Variants in DLG2 observed in about 807,000 individuals in gnomAD.
DLG2 encodes discs large MAGUK scaffold protein 2.
Under a neutral mutation model 132.5 loss-of-function variants are expected in DLG2, and 45 were observed. That is an observed-to-expected ratio of 0.34 (90% CI 0.27 to 0.44). The LOEUF (loss-of-function observed/expected upper bound fraction) is 0.44. DLG2 is among the 20% of genes least tolerant of loss of function. The pLI is 1.00. For missense variants in DLG2, 1,045 were observed against 1,196.9 expected (o/e 0.87, Z 1.87); for synonymous variants, 424 against 419.6 (o/e 1.01, Z -0.13).
intron 6 of DLG2, among the ~76,000 whole-genome samples, chr11:85,075,613 C>T (rs2066430312): frequency 1.3e-5 from 2 of 151,852 alleles, no homozygotes; most frequent in Admixed American, 6.6e-5. Context: ...CTCACATACA[C>T]ATATACTCAC....
intron 12 of DLG2, among the ~76,000 whole-genome samples, chr11:83,977,427 G>A (rs1037968635): frequency 1.3e-5 from 2 of 151,982 alleles, no homozygotes; most frequent in African/African-American, 4.8e-5. Flanking sequence ...CAAGCCTTCG[G>A]AAAGTACACT....
At chr11:84,985,818 C>T (rs1239465690) in intron 6 of DLG2, among the ~76,000 whole-genome samples, 3 of 151,630 alleles carry the variant, frequency 2.0e-5, no homozygotes, top group Non-Finnish European at 4.4e-5. Context: ...CATGATGAAA[C>T]CCGATCTCTA....
chr11:84,307,836 G>A (rs2098241307), intron 7 of DLG2, among the ~76,000 whole-genome samples: 1 of 151,600 alleles, frequency 6.6e-6, no homozygotes, highest in South Asian at 2.1e-4. Flanking sequence ...TCGTGGTCTC[G>A]CTGACTCAGG....
Position 85,285,473 on chromosome 11 carries a change from A to T in DLG2, c.41-108T>A, listed in dbSNP as rs191320179. On this transcript the variant is annotated intron_variant, in intron 3 of 27. Transcript: ENST00000376104. Reference sequence around the variant, plus strand: ...ATACAGAAATTTTGCTGATTAAAAGAACTGCATAAATATATATCCCAAAGT... The same window carrying T: ...ATACAGAAATTTTGCTGATTAAAAGTACTGCATAAATATATATCCCAAAGT... The T allele has an allele frequency of 4.1e-4, 401 of 982,802 alleles. No homozygotes were observed. The African/African-American group carries it at 5.7e-3, about 14-fold the overall frequency. 60.9% of individuals were successfully genotyped at this position (982,802 alleles called of 1,614,324 possible). A position where few individuals can be genotyped will look rare whatever the true frequency, so the allele number is the denominator to read the frequency against.
chr11:83,691,091 C>G (rs1329355400), intron 18 of DLG2, among the ~76,000 whole-genome samples: 2 of 152,120 alleles, frequency 1.3e-5, no homozygotes, highest in Non-Finnish European at 2.9e-5. Flanking sequence ...TTGCATGGCT[C>G]TAAGTCATGG....
At chr11:85,473,482 T>A (rs1048288784) in intron 3 of DLG2, among the ~76,000 whole-genome samples, 9 of 152,284 alleles carry the variant, frequency 5.9e-5, no homozygotes, top group South Asian at 2.1e-4. Context: ...CTATATTTTT[T>A]AAAAAATTTA....
intron 4 of DLG2, among the ~76,000 whole-genome samples, chr11:85,278,209 A>C (rs549511363): frequency 6.6e-6 from 1 of 152,318 alleles, no homozygotes; most frequent in Non-Finnish European, 1.5e-5. Flanking sequence ...TCTTTGATGA[A>C]GACATTTAAC....
chr11:85,486,333 C>T (rs921888503), intron 3 of DLG2, among the ~76,000 whole-genome samples: 2 of 152,166 alleles, frequency 1.3e-5, no homozygotes, highest in Middle Eastern at 3.2e-3. Flanking sequence ...GGGGCCTCAT[C>T]CTTCCTGGTG....
chr11:84,865,766 G>A (rs2084458290), intron 6 of DLG2, among the ~76,000 whole-genome samples: 1 of 152,156 alleles, frequency 6.6e-6, no homozygotes, highest in Non-Finnish European at 1.5e-5. Flanking sequence ...AGCTGAAAAT[G>A]TTTGGAAAAA....
At chr11:84,896,611 G>A (rs937143449) in intron 6 of DLG2, among the ~76,000 whole-genome samples, 5 of 152,126 alleles carry the variant, frequency 3.3e-5, no homozygotes, top group African/African-American at 1.2e-4. Flanking sequence ...TGATGCATAT[G>A]AAAACAGCAT....
chr11:85,320,649 T>C (rs905302079), intron 3 of DLG2, among the ~76,000 whole-genome samples: 2 of 151,982 alleles, frequency 1.3e-5, no homozygotes, highest in African/African-American at 2.4e-5. Context: ...GATTACTTTA[T>C]ATCAAATAGT....
At chr11:84,554,126 T>A (rs1461156320) in intron 6 of DLG2, among the ~76,000 whole-genome samples, 2 of 152,198 alleles carry the variant, frequency 1.3e-5, no homozygotes, top group Admixed American at 1.3e-4. Flanking sequence ...GTCCATTCAG[T>A]TCATGGCTTC....
chr11:85,220,200 G>A lies in DLG2; in HGVS notation c.186+65020C>T, dbSNP rs184648182. Reference sequence around the variant, plus strand: ...ATGATATCAAATTTTGGTAACTTCAGTGGAAACATACTAAGCAGGAAATGG... The same window carrying A: ...ATGATATCAAATTTTGGTAACTTCAATGGAAACATACTAAGCAGGAAATGG... On this transcript the variant is annotated intron_variant, in intron 4 of 27. Transcript: ENST00000376104. Among the ~76,000 whole-genome samples the A allele has an allele frequency of 1.0e-3, 159 of 152,166 alleles. 1 individual carries two copies. Among genetic ancestry groups the A allele is most frequent in the Admixed American group, 1.0e-3 (16 of 15,276 alleles).
intron 3 of DLG2, among the ~76,000 whole-genome samples, chr11:85,562,199 A>AGAG (rs2077290048): frequency 6.6e-6 from 1 of 151,846 alleles, no homozygotes; most frequent in Non-Finnish European, 1.5e-5. Context: ...GTAAAGTGTA[A>AGAG]GAGTCATGAG....
intron 6 of DLG2, among the ~76,000 whole-genome samples, chr11:84,838,472 G>T (rs1027244143): frequency 6.6e-6 from 1 of 151,736 alleles, no homozygotes; most frequent in Non-Finnish European, 1.5e-5. Flanking sequence ...TGGTGAGGAT[G>T]AAGGGAAACA....
At chr11:84,530,657 T>C (rs1039608724) in intron 7 of DLG2, among the ~76,000 whole-genome samples, 18 of 152,304 alleles carry the variant, frequency 1.2e-4, no homozygotes, top group African/African-American at 4.1e-4. Flanking sequence ...GAAAAGGGAA[T>C]GCTTATACAG....
rs529346705 is a variant in DLG2 at position 85,483,684 on chromosome 11, C to T, written c.40+114973G>A. Among the ~76,000 whole-genome samples, 32 of 152,142 alleles carry T rather than the reference C, an allele frequency of 2.1e-4. No individual in the cohort carries two copies. The South Asian group carries it at 5.2e-3, about 25-fold the overall frequency. On this transcript the variant is annotated intron_variant, in intron 3 of 27. Transcript: ENST00000376104. ...ATAGGCCAGGCGTGGTGGCTCACAC[C>T]TATAATCCCAGAACTTTGGGATGCC...
chr11:84,192,282 G>A (rs538849216), intron 8 of DLG2, among the ~76,000 whole-genome samples: 1 of 152,338 alleles, frequency 6.6e-6, no homozygotes, highest in East Asian at 1.9e-4. Flanking sequence ...ATAATGGTAA[G>A]ATAATTTGGG....
intron 9 of DLG2, among the ~76,000 whole-genome samples, chr11:84,136,215 G>A (rs574992521): frequency 4.0e-4 from 61 of 152,174 alleles, no homozygotes; most frequent in Non-Finnish European, 7.5e-4. Flanking sequence ...CTGTATAATG[G>A]TTTAAATAAC....
Sources: gnomAD v4.1 joint callset for allele counts (sites outside exome capture counted in the v4.1 genomes callset) on GRCh38, gnomAD v4.1.1 for gene constraint, MANE v1.5 for transcripts, NCBI Gene and HGNC (gene_info 2026-07-23, HGNC 2026-07-21) for gene names.